PDSS2: variants seen among roughly 807,000 people sequenced by gnomAD.
PDSS2 encodes the protein decaprenyl diphosphate synthase subunit 2.
In PDSS2, 31 loss-of-function variants were observed where a neutral mutation model predicts 44.5. That is an observed-to-expected ratio of 0.70 (90% CI 0.52 to 0.94). PDSS2 has a LOEUF of 0.94. PDSS2 is among the 40% of genes least tolerant of loss of function. PDSS2 has a pLI of 0.00. For missense variants in PDSS2, 452 were observed against 482.2 expected (o/e 0.94, Z 0.59); for synonymous variants, 157 against 180.3 (o/e 0.87, Z 1.03).
At chr6:107,348,607 T>C (rs1265111269) in intron 1 of PDSS2, among the ~76,000 whole-genome samples, 2 of 152,160 alleles carry the variant, frequency 1.3e-5, no homozygotes, top group Non-Finnish European at 2.9e-5. Context: ...AAAATTAATA[T>C]CTACATTTAT....
intron 1 of PDSS2, among the ~76,000 whole-genome samples, chr6:107,376,021 C>A (rs1779275081): frequency 6.6e-6 from 1 of 152,168 alleles, no homozygotes; most frequent in Non-Finnish European, 1.5e-5. Flanking sequence ...AATAGGGAAT[C>A]CTTTCCCCAT....
intron 1 of PDSS2, among the ~76,000 whole-genome samples, chr6:107,392,888 A>C (rs892704318): frequency 6.6e-6 from 1 of 151,936 alleles, no homozygotes; most frequent in African/African-American, 2.4e-5. Context: ...TTCCTCTCTT[A>C]TTGTCTCATA....
intron 2 of PDSS2, among the ~76,000 whole-genome samples, chr6:107,318,272 T>A (rs1210683446): frequency 6.6e-6 from 1 of 152,010 alleles, no homozygotes; most frequent in Non-Finnish European, 1.5e-5. Flanking sequence ...CAAGGCAGTC[T>A]AAGAGGAAGT....
chr6:107,188,156 C>T (rs907835749), intron 7 of PDSS2, among the ~76,000 whole-genome samples: 1 of 152,076 alleles, frequency 6.6e-6, no homozygotes, highest in Non-Finnish European at 1.5e-5. Context: ...GCGGGCAGAT[C>T]GCTTTGAGTT....
intron 1 of PDSS2, among the ~76,000 whole-genome samples, chr6:107,349,416 G>A (rs1778362922): frequency 6.9e-6 from 1 of 144,622 alleles, no homozygotes; most frequent in Non-Finnish European, 1.5e-5. Flanking sequence ...CTGGGCGACA[G>A]AGCAAGACTC....
intron 1 of PDSS2, among the ~76,000 whole-genome samples, chr6:107,358,647 GA>G (rs1374171002): frequency 6.6e-6 from 1 of 152,128 alleles, no homozygotes; most frequent in Non-Finnish European, 1.5e-5. Context: ...GAAAGCCATG[GA>G]TAGAATCATA....
chr6:107,156,962 GT>G (rs1483750952), intron 7 of PDSS2, among the ~76,000 whole-genome samples: 6 of 152,128 alleles, frequency 3.9e-5, no homozygotes, highest in African/African-American at 1.4e-4. Context: ...ACCTCAGTTA[GT>G]TTTTGCAATC....
intron 1 of PDSS2, among the ~76,000 whole-genome samples, chr6:107,335,161 CAAAAAAAAAA>C (rs765731620): frequency 7.0e-4 from 45 of 64,164 alleles, no homozygotes; most frequent in Admixed American, 2.1e-3. Flanking sequence ...ACTCTGTTTC[CAAAAAAAAAA>C]AAAAAAAAAA....
chr6:107,179,795 G>T (rs527381329), intron 7 of PDSS2, among the ~76,000 whole-genome samples: 1 of 152,300 alleles, frequency 6.6e-6, no homozygotes, highest in African/African-American at 2.4e-5. Flanking sequence ...CTCTGATGTG[G>T]TAAGTGGGGA....
At chr6:107,205,166 T>A (rs1364100409) in intron 6 of PDSS2, among the ~76,000 whole-genome samples, 2 of 152,226 alleles carry the variant, frequency 1.3e-5, no homozygotes, top group Non-Finnish European at 1.5e-5. Context: ...TTGTTTTACT[T>A]TCTGAATAAG....
At chr6:107,249,400 G>C (rs976418644) in intron 3 of PDSS2, among the ~76,000 whole-genome samples, 1 of 152,148 alleles carries the variant, frequency 6.6e-6, no homozygotes, top group Non-Finnish European at 1.5e-5. Context: ...CACATGCAAA[G>C]ACCATTTTAA....
intron 2 of PDSS2, among the ~76,000 whole-genome samples, chr6:107,284,003 G>T (rs1776057230): frequency 6.6e-6 from 1 of 151,464 alleles, no homozygotes; most frequent in African/African-American, 2.4e-5. Flanking sequence ...TCCAGCCTGG[G>T]CAACAAGAGC....
At chr6:107,438,025 G>A (rs542384988) in intron 1 of PDSS2, among the ~76,000 whole-genome samples, 1 of 152,190 alleles carries the variant, frequency 6.6e-6, no homozygotes, top group East Asian at 1.9e-4. Context: ...GGGAAAGGTC[G>A]CATCCAGGTG....
chr6:107,197,071 A>G (rs985324041), intron 6 of PDSS2, among the ~76,000 whole-genome samples: 1 of 152,186 alleles, frequency 6.6e-6, no homozygotes, highest in East Asian at 1.9e-4. Context: ...ATTGGTAAGT[A>G]TAAGTGTTTC....
chr6:107,159,480 G>A (rs1437433300), intron 7 of PDSS2, among the ~76,000 whole-genome samples: 1 of 149,476 alleles, frequency 6.7e-6, no homozygotes, highest in African/African-American at 2.5e-5. Flanking sequence ...GCAGTGGCGC[G>A]ATCTTGGCTC....
chr6:107,174,647 A>G (rs1277688641), intron 7 of PDSS2, among the ~76,000 whole-genome samples: 1 of 152,210 alleles, frequency 6.6e-6, no homozygotes, highest in Non-Finnish European at 1.5e-5. Flanking sequence ...TGCAAACAAC[A>G]TAAAAGCATT....
At chr6:107,331,093 TA>T (rs1371993026) in intron 2 of PDSS2, among the ~76,000 whole-genome samples, 1 of 152,120 alleles carries the variant, frequency 6.6e-6, no homozygotes, top group African/African-American at 2.4e-5. Flanking sequence ...GGAGGTGAAT[TA>T]AAAAGCTCCC....
At chr6:107,266,327 C>G (rs747523111) in intron 3 of PDSS2, among the ~76,000 whole-genome samples, 12 of 151,264 alleles carry the variant, frequency 7.9e-5, no homozygotes, top group Non-Finnish European at 1.6e-4. Flanking sequence ...TGGAGAAGAT[C>G]AATTACAGAC....
At chr6:107,333,234 T>C (rs1177752452) in intron 2 of PDSS2, among the ~76,000 whole-genome samples, 2 of 152,236 alleles carry the variant, frequency 1.3e-5, no homozygotes, top group Non-Finnish European at 2.9e-5. Flanking sequence ...TGCCAAAGTC[T>C]ACCTGTTGAT....
Sources: gnomAD v4.1 joint callset for allele counts (sites outside exome capture counted in the v4.1 genomes callset) on GRCh38, gnomAD v4.1.1 for gene constraint, MANE v1.5 for transcripts, NCBI Gene and HGNC (gene_info 2026-07-23, HGNC 2026-07-21) for gene names.